The following MAGI2 variants were observed in gnomAD, a reference collection of about 807,000 sequenced individuals.
The protein encoded by MAGI2 is membrane-associated guanylate kinase, WW and PDZ domain-containing protein 2.
A neutral mutation model predicts 133.3 loss-of-function variants in MAGI2; 35 were observed. The observed-to-expected ratio is 0.26, with a 90% CI of 0.20 to 0.35. The LOEUF is 0.35. Ranked by LOEUF, MAGI2 falls within the 10% of genes least tolerant of loss-of-function variation. The pLI, the probability that MAGI2 is intolerant of heterozygous loss-of-function variation, is 1.00. For missense variants in MAGI2, 1,636 were observed against 1,863.4 expected, an observed-to-expected ratio of 0.88 and a Z score of 2.25; for synonymous variants, 729 against 710.6, an observed-to-expected ratio of 1.03 and a Z score of -0.41.
At chr7:78,430,553 A>T (rs1243865163) in intron 6 of MAGI2, among the ~76,000 whole-genome samples, 1 of 152,064 alleles carries the variant, frequency 6.6e-6, no homozygotes, top group East Asian at 1.9e-4. Context: ...TGATAATGAA[A>T]TCAGAAGTTC....
chr7:78,608,711 C>T (rs1304935505), intron 3 of MAGI2, among the ~76,000 whole-genome samples: 1 of 152,142 alleles, frequency 6.6e-6, no homozygotes, highest in South Asian at 2.1e-4. Flanking sequence ...AGATGTTAGG[C>T]ACTTTAATTT....
At chr7:79,309,310 G>A (rs1838065504) in intron 1 of MAGI2, among the ~76,000 whole-genome samples, 1 of 151,548 alleles carries the variant, frequency 6.6e-6, no homozygotes, top group African/African-American at 2.4e-5. Context: ...TGTGTTGGAC[G>A]AGGAAACTAG....
intron 2 of MAGI2, among the ~76,000 whole-genome samples, chr7:78,712,530 T>C (rs323137): frequency 0.22 from 33,818 of 152,158 alleles, 4,138 homozygotes; most frequent in East Asian, 0.38. Context: ...TCAGCTAAAC[T>C]AACCGGGGAA....
At chr7:78,377,993 A>G (rs2151284767) in intron 6 of MAGI2, among the ~76,000 whole-genome samples, 1 of 152,258 alleles carries the variant, frequency 6.6e-6, no homozygotes, top group African/African-American at 2.4e-5. Context: ...TGAAACAAAT[A>G]CTTATAAATA....
At chr7:78,500,711 A>G (rs1474415923) in intron 5 of MAGI2, among the ~76,000 whole-genome samples, 3 of 152,222 alleles carry the variant, frequency 2.0e-5, no homozygotes, top group African/African-American at 7.2e-5. Flanking sequence ...AACTAATATA[A>G]TGGAATATAG....
rs557735049 is a variant in MAGI2 at position 79,371,099 on chromosome 7, C to T, written c.301+81921G>A. 4.3e-4 allele frequency among the ~76,000 whole-genome samples: 65 copies of T among 152,080 alleles called. 2 individuals carry two copies. In the South Asian group the frequency reaches 0.012, roughly 28 times the overall value. On this transcript the variant is annotated intron_variant, in intron 1 of 21. Coordinates refer to ENST00000354212, the MANE Select transcript of MAGI2 (RefSeq NM_012301.4). Reference sequence around the variant, plus strand: ...TCCAGTTTTTTAAGGAAGTCTTCCCCGATCACTCCAGAGACAGTAATATTT... The same window carrying T: ...TCCAGTTTTTTAAGGAAGTCTTCCCTGATCACTCCAGAGACAGTAATATTT...
chr7:78,283,784 T>A (rs1795864395), intron 9 of MAGI2, among the ~76,000 whole-genome samples: 2 of 152,194 alleles, frequency 1.3e-5, no homozygotes, highest in South Asian at 4.1e-4. Context: ...TGTCATGGCA[T>A]CTGTAATTGG....
At chr7:79,294,821 C>T (rs1343365425) in intron 1 of MAGI2, among the ~76,000 whole-genome samples, 1 of 146,890 alleles carries the variant, frequency 6.8e-6, no homozygotes, top group Non-Finnish European at 1.5e-5. Flanking sequence ...GCTCCGCCTC[C>T]CGGGTTCACG....
At chr7:78,556,387 G>C (rs1213379777) in intron 3 of MAGI2, among the ~76,000 whole-genome samples, 9 of 152,160 alleles carry the variant, frequency 5.9e-5, no homozygotes, top group Non-Finnish European at 1.3e-4. Flanking sequence ...TCTCCTGTTG[G>C]CACCAACATG....
chr7:78,461,603 G>C (rs1199936360), intron 6 of MAGI2, among the ~76,000 whole-genome samples: 1 of 151,980 alleles, frequency 6.6e-6, no homozygotes. Context: ...TTTCACTGAA[G>C]AGAAGTGATG....
intron 1 of MAGI2, among the ~76,000 whole-genome samples, chr7:79,021,033 TCA>T (rs1809276321): frequency 6.6e-6 from 1 of 152,204 alleles, no homozygotes; most frequent in Non-Finnish European, 1.5e-5. Flanking sequence ...AGCCATTGCT[TCA>T]CAGTGTGCAT....
At chr7:78,980,449 G>A (rs1332684225) in intron 2 of MAGI2, among the ~76,000 whole-genome samples, 1 of 151,820 alleles carries the variant, frequency 6.6e-6, no homozygotes. Context: ...AGTATCACCA[G>A]TATCAAGGCT....
At chr7:78,301,833 T>C (rs957113378) in intron 9 of MAGI2, among the ~76,000 whole-genome samples, 2 of 152,210 alleles carry the variant, frequency 1.3e-5, no homozygotes, top group Admixed American at 6.5e-5. Context: ...AGCCAGACTA[T>C]GTGAATTCCA....
chr7:78,980,518 A>G (rs1187228512), intron 2 of MAGI2, among the ~76,000 whole-genome samples: 3 of 151,834 alleles, frequency 2.0e-5, no homozygotes, highest in Admixed American at 6.6e-5. Context: ...AAGGGAGTTG[A>G]ACTCAGAACG....
intron 1 of MAGI2, among the ~76,000 whole-genome samples, chr7:79,390,886 T>C (rs1009719474): frequency 1.4e-4 from 22 of 152,172 alleles, no homozygotes; most frequent in African/African-American, 5.3e-4. Flanking sequence ...TACAGTACAT[T>C]GTGTGACAGC....
intron 2 of MAGI2, among the ~76,000 whole-genome samples, chr7:78,643,587 G>A (rs1810526968): frequency 6.6e-6 from 1 of 151,946 alleles, no homozygotes; most frequent in South Asian, 2.1e-4. Flanking sequence ...ACACACAATT[G>A]CAGCCACCTG....
rs748826948 is a variant in MAGI2 at position 78,182,372 on chromosome 7, A to T, written c.2311+3257T>A. Reference sequence around the variant, plus strand: ...TAGCTAATACTCCATCCTTTAAAATATCCCTTCTCTTTAGTTGTTTGCTTT... The same window carrying T: ...TAGCTAATACTCCATCCTTTAAAATTTCCCTTCTCTTTAGTTGTTTGCTTT... On this transcript the variant is annotated intron_variant, in intron 13 of 21. Transcript: ENST00000354212. Among the ~76,000 whole-genome samples, 57 of 152,306 alleles carry T rather than the reference A, an allele frequency of 3.7e-4. No homozygotes were observed. In the Middle Eastern group the frequency reaches 0.014, roughly 36 times the overall value.
chr7:79,240,776 T>C (rs1434361561), intron 1 of MAGI2, among the ~76,000 whole-genome samples: 3 of 151,860 alleles, frequency 2.0e-5, no homozygotes, highest in South Asian at 2.1e-4. Context: ...TTCTTCGACA[T>C]TTCCCTCACA....
chr7:79,228,535 C>T (rs1027964443), intron 1 of MAGI2, among the ~76,000 whole-genome samples: 67 of 151,952 alleles, frequency 4.4e-4, no homozygotes, highest in African/African-American at 1.5e-3. Flanking sequence ...TTAAGACAAA[C>T]AGAGCTAATA....
Sources: gnomAD v4.1 joint callset for allele counts (sites outside exome capture counted in the v4.1 genomes callset) on GRCh38, gnomAD v4.1.1 for gene constraint, MANE v1.5 for transcripts, NCBI Gene and HGNC (gene_info 2026-07-23, HGNC 2026-07-21) for gene names.